The following APBA2 variants were observed in gnomAD, a reference collection of about 807,000 sequenced individuals.
APBA2 encodes amyloid beta precursor protein binding family A member 2, also known as amyloid-beta A4 precursor protein-binding family A member 2.
A neutral mutation model predicts 75.0 loss-of-function variants in APBA2; 30 were observed. The ratio of observed to expected loss-of-function variants is 0.40; its 90% CI spans 0.30 to 0.54. The LOEUF is 0.54. Among genes scored for constraint, APBA2 ranks in the 20% least tolerant of loss-of-function variants. APBA2 has a pLI of 0.49. For synonymous variants in APBA2, 444 were observed against 409.6 expected (o/e 1.08, Z -1.01); for missense variants, 801 against 1,016.1 (o/e 0.79, Z 2.88).
At chr15:28,886,771 A>C (rs771948712) in intron 1 of APBA2, among the ~76,000 whole-genome samples, 13 of 152,068 alleles carry the variant, frequency 8.5e-5, no homozygotes, top group Non-Finnish European at 1.5e-4. Context: ...TCCCTTTATA[A>C]TAAGGCCCAG....
At chr15:29,017,361 T>C (rs1329379561) in intron 3 of APBA2, among the ~76,000 whole-genome samples, 2 of 151,854 alleles carry the variant, frequency 1.3e-5, no homozygotes, top group Non-Finnish European at 2.9e-5. Flanking sequence ...AAGTCTCTCT[T>C]TTCTTTCATA....
intron 13 of APBA2, among the ~76,000 whole-genome samples, chr15:29,112,722 G>A (rs1186585600): frequency 6.6e-6 from 1 of 152,146 alleles, no homozygotes; most frequent in African/African-American, 2.4e-5. Context: ...TTAAAATCGA[G>A]CATCATAGCC....
intron 1 of APBA2, among the ~76,000 whole-genome samples, chr15:28,897,280 A>G (rs927316570): frequency 2.0e-5 from 3 of 151,980 alleles, no homozygotes; most frequent in African/African-American, 2.4e-5. Context: ...TGAATTGTAA[A>G]TGGGACACCA....
intron 13 of APBA2, among the ~76,000 whole-genome samples, chr15:29,113,385 C>G (rs1270877206): frequency 1.3e-5 from 2 of 152,196 alleles, no homozygotes; most frequent in Admixed American, 1.3e-4. Context: ...TGACTCTTCC[C>G]TGTCGATGTA....
intron 13 of APBA2, among the ~76,000 whole-genome samples, chr15:29,112,817 C>T (rs2044807883): frequency 6.6e-6 from 1 of 152,164 alleles, no homozygotes; most frequent in African/African-American, 2.4e-5. Context: ...ACGTCTTCCT[C>T]CTCCCCAACA....
chr15:28,974,338 C>T (rs1054409120), intron 2 of APBA2, among the ~76,000 whole-genome samples: 15 of 152,128 alleles, frequency 9.9e-5, no homozygotes, highest in Admixed American at 5.9e-4. Flanking sequence ...CTCTACGATG[C>T]GGAAACCACA....
chr15:28,968,883 T>TG (rs1251113681), intron 2 of APBA2, among the ~76,000 whole-genome samples: 2 of 152,162 alleles, frequency 1.3e-5, no homozygotes, highest in Non-Finnish European at 2.9e-5. Flanking sequence ...GGCTGTCTCT[T>TG]GCCCTTCATT....
At chr15:29,044,632 C>G (rs992967259) in intron 3 of APBA2, among the ~76,000 whole-genome samples, 1 of 152,086 alleles carries the variant, frequency 6.6e-6, no homozygotes, top group African/African-American at 2.4e-5. Context: ...GGACCTGGGC[C>G]TTGGATTGAC....
At chr15:29,063,282 G>A (rs2042223132) in intron 4 of APBA2, among the ~76,000 whole-genome samples, 1 of 139,456 alleles carries the variant, frequency 7.2e-6, no homozygotes, top group South Asian at 2.7e-4. Context: ...GGGTGGGGAG[G>A]GGAGTTGATC....
intron 3 of APBA2, among the ~76,000 whole-genome samples, chr15:29,022,022 T>G (rs1028556766): frequency 6.6e-6 from 1 of 152,228 alleles, no homozygotes; most frequent in Non-Finnish European, 1.5e-5. Flanking sequence ...ATACCATGTT[T>G]TCTTTATCTG....
At chr15:28,909,507 A>G (rs2033326134) in intron 1 of APBA2, among the ~76,000 whole-genome samples, 1 of 152,204 alleles carries the variant, frequency 6.6e-6, no homozygotes. Context: ...TTTGTGGTTC[A>G]TCCCTCAGAC....
intron 3 of APBA2, among the ~76,000 whole-genome samples, chr15:29,041,167 A>G (rs1234086497): frequency 2.6e-5 from 4 of 152,214 alleles, no homozygotes; most frequent in African/African-American, 9.6e-5. Context: ...TGAATAAAAG[A>G]AAAATGAGTT....
chr15:28,920,913 C>T (rs1443603227), intron 1 of APBA2, among the ~76,000 whole-genome samples: 1 of 152,172 alleles, frequency 6.6e-6, no homozygotes, highest in Non-Finnish European at 1.5e-5. Flanking sequence ...TCTATCTCTG[C>T]AGCTCAGTTC....
At chr15:29,023,101 T>A (rs2040032354) in intron 3 of APBA2, among the ~76,000 whole-genome samples, 1 of 152,182 alleles carries the variant, frequency 6.6e-6, no homozygotes, top group African/African-American at 2.4e-5. Flanking sequence ...ATTCTCTTGG[T>A]TTTCTATAAA....
At chr15:28,982,794 C>A (rs1189417725) in intron 2 of APBA2, among the ~76,000 whole-genome samples, 1 of 152,184 alleles carries the variant, frequency 6.6e-6, no homozygotes, top group Non-Finnish European at 1.5e-5. Context: ...AGTGTTCTTC[C>A]CAAGCTTGGG....
rs192627496 is a variant in APBA2, at chr15:29,039,924, G to A, written c.-40-13921G>A. Among the ~76,000 whole-genome samples, 37 of 152,280 alleles carry A rather than the reference G, an allele frequency of 2.4e-4. No homozygotes were observed. The East Asian group carries it at 6.8e-3, about 28-fold the overall frequency. On this transcript the variant is annotated intron_variant, in intron 3 of 14. Transcript: ENST00000683413. ...GGGAAGGGGGTTGGAGCTTGAATGC[G>A]CAGCACATTAGAATAGAGTTTCTGT...
intron 8 of APBA2, among the ~76,000 whole-genome samples, chr15:29,096,613 G>A (rs1262384463): frequency 6.6e-6 from 1 of 152,220 alleles, no homozygotes; most frequent in African/African-American, 2.4e-5. Flanking sequence ...TGAGTTAAAA[G>A]CAAAGAAAGC....
chr15:29,033,894 G>C (rs748517573), intron 3 of APBA2, among the ~76,000 whole-genome samples: 2 of 150,116 alleles, frequency 1.3e-5, no homozygotes, highest in African/African-American at 2.5e-5. Flanking sequence ...TAACCCAGGA[G>C]GTGGAGCTTG....
At chr15:28,967,361 C>G (rs2036792908) in intron 2 of APBA2, among the ~76,000 whole-genome samples, 1 of 152,186 alleles carries the variant, frequency 6.6e-6, no homozygotes. Context: ...TCTATATCAT[C>G]TTGCTCTGGA....
Sources: gnomAD v4.1 joint callset for allele counts (sites outside exome capture counted in the v4.1 genomes callset) on GRCh38, gnomAD v4.1.1 for gene constraint, MANE v1.5 for transcripts, NCBI Gene and HGNC (gene_info 2026-07-23, HGNC 2026-07-21) for gene names.